The following NXN variants were observed in gnomAD, a reference collection of about 807,000 sequenced individuals.
NXN encodes the protein nucleoredoxin.
NXN carries 16 observed loss-of-function variants against 48.6 expected under a neutral mutation model. That is an observed-to-expected ratio of 0.33 (90% CI 0.22 to 0.50). NXN has a LOEUF of 0.50. Ranked by LOEUF, NXN falls within the 20% of genes least tolerant of loss-of-function variation. The pLI, the probability that NXN is intolerant of heterozygous loss-of-function variation, is 0.98. For synonymous variants in NXN, 281 were observed against 269.6 expected (o/e 1.04, Z -0.41); for missense variants, 492 against 605.5 (o/e 0.81, Z 1.97).
chr17:979,558 T>G lies in NXN; in HGVS notation c.121A>C (p.Ser41Arg). 7.2e-7 allele frequency: 1 copy of G among 1,384,118 alleles called. No individual in the cohort carries two copies. Among genetic ancestry groups the G allele is most frequent in the Non-Finnish European group, 9.4e-7 (1 of 1,063,796 alleles). The allele number at this position is 1,384,118 out of a possible 1,614,324, so 85.7% of individuals were successfully genotyped here. Residue 41 changes from serine (S) to arginine (R), a missense_variant, in exon 1 of 8, where the codon AGC becomes CGC. This residue lies in a region of NXN where 186 missense variants were observed against 199.1 expected (regional missense o/e 0.93). Coordinates refer to ENST00000336868, the MANE Select transcript of NXN (RefSeq NM_022463.5). Reference protein sequence around the residue: ...ISLLGLYFGCSLSAPCAQLSA... With the variant: ...ISLLGLYFGCRLSAPCAQLSA... ...AGCTGCGCGCAGGGGGCGCTGAGGC[T>G]GCAGCCGAAGTAGAGACCCAGCAGC...
At chr17:953,471 A>G (rs2069135078) in intron 1 of NXN, among the ~76,000 whole-genome samples, 2 of 152,176 alleles carry the variant, frequency 1.3e-5, no homozygotes, top group Admixed American at 6.5e-5. Context: ...GGCACCTCGG[A>G]TGCCCCACAC....
At chr17:803,592 T>C in intron 7 of NXN, 90 bp downstream of exon 7, 1 of 1,541,212 alleles carries the variant, frequency 6.5e-7, no homozygotes, top group Non-Finnish European at 8.9e-7. Context: ...GACCCTGGGG[T>C]CCTTTCAGGC....
At chr17:969,538 C>T (rs1037213058) in intron 1 of NXN, among the ~76,000 whole-genome samples, 8 of 152,180 alleles carry the variant, frequency 5.3e-5, no homozygotes, top group Non-Finnish European at 7.3e-5. Flanking sequence ...TTCGGGGCTC[C>T]GGCGGTCACA....
chr17:968,916 G>A (rs4025783), intron 1 of NXN, among the ~76,000 whole-genome samples: 4,897 of 151,854 alleles, frequency 0.032, 286 homozygotes, highest in East Asian at 0.26. Flanking sequence ...CAGCCTGGGA[G>A]ACAGAGAGAG....
chr17:840,333 G>A (rs77744886), intron 1 of NXN, among the ~76,000 whole-genome samples: 2,876 of 151,632 alleles, frequency 0.019, 26 homozygotes, highest in Non-Finnish European at 0.032. Flanking sequence ...AGCCTGGTGT[G>A]CAGAGACTTC....
At chr17:886,139 C>A (rs180802652) in intron 1 of NXN, among the ~76,000 whole-genome samples, 2 of 152,200 alleles carry the variant, frequency 1.3e-5, no homozygotes, top group Admixed American at 6.5e-5. Flanking sequence ...AGGAGCCACC[C>A]CATTCTGACC....
intron 1 of NXN, among the ~76,000 whole-genome samples, chr17:844,134 G>A (rs1188774831): frequency 6.6e-6 from 1 of 151,342 alleles, no homozygotes; most frequent in South Asian, 2.1e-4. Context: ...CTGGAAGGTG[G>A]AGACCAGGCC....
intron 1 of NXN, among the ~76,000 whole-genome samples, chr17:913,690 C>G (rs571042841): frequency 6.6e-6 from 1 of 151,832 alleles, no homozygotes; most frequent in East Asian, 1.9e-4. Context: ...ATGCAGAGAC[C>G]GGGACCCTTC....
intron 1 of NXN, among the ~76,000 whole-genome samples, chr17:884,231 T>A (rs1032118143): frequency 6.9e-6 from 1 of 144,152 alleles, no homozygotes; most frequent in African/African-American, 2.6e-5. Context: ...AAAAAATAAA[T>A]AAATAAATAA....
At chr17:853,719 A>AT (rs1190997449) in intron 1 of NXN, among the ~76,000 whole-genome samples, 13,822 of 101,010 alleles carry the variant, frequency 0.14, 1,040 homozygotes, top group Non-Finnish European at 0.19. Flanking sequence ...ATATATATAT[A>AT]TATATTTTTT....
intron 1 of NXN, among the ~76,000 whole-genome samples, chr17:875,052 G>A (rs1168104264): frequency 1.3e-5 from 2 of 149,402 alleles, no homozygotes; most frequent in Non-Finnish European, 3.0e-5. Flanking sequence ...TTTTTTCTGA[G>A]ACAGAGTCTT....
intron 1 of NXN, among the ~76,000 whole-genome samples, chr17:828,592 G>T (rs752385243): frequency 4.6e-5 from 7 of 151,074 alleles, no homozygotes; most frequent in Non-Finnish European, 8.8e-5. Context: ...AGTAGAGATA[G>T]GGTTTCGCCA....
intron 1 of NXN, among the ~76,000 whole-genome samples, chr17:883,210 T>C (rs1192317265): frequency 1.3e-5 from 2 of 151,964 alleles, no homozygotes; most frequent in East Asian, 1.9e-4. Flanking sequence ...ATTCCTTCTC[T>C]CTCCACAACT....
intron 1 of NXN, among the ~76,000 whole-genome samples, chr17:979,108 AG>A (rs370371306): frequency 0.69 from 41,763 of 60,702 alleles, 14,253 homozygotes; most frequent in Non-Finnish European, 0.74. Context: ...ACAGCGCGGA[AG>A]GGGGGGGGGC....
At chr17:845,241 A>G (rs1272587491) in intron 1 of NXN, among the ~76,000 whole-genome samples, 2 of 143,894 alleles carry the variant, frequency 1.4e-5, no homozygotes, top group South Asian at 4.4e-4. Context: ...CCACCCTTCT[A>G]GAATCCTACC....
intron 1 of NXN, among the ~76,000 whole-genome samples, chr17:868,263 C>T (rs953431222): frequency 3.3e-5 from 5 of 152,168 alleles, no homozygotes; most frequent in African/African-American, 4.8e-5. Context: ...AGCCTTCACA[C>T]GTGGGATTCC....
At chr17:835,798 T>A (rs570568119) in intron 1 of NXN, among the ~76,000 whole-genome samples, 2 of 3,166 alleles carry the variant, frequency 6.3e-4, no homozygotes, top group Non-Finnish European at 5.2e-4. Flanking sequence ...TTCGTCAGCC[T>A]CATAGAGGCC....
At chr17:828,807 G>A (rs544249859) in intron 1 of NXN, among the ~76,000 whole-genome samples, 3 of 152,208 alleles carry the variant, frequency 2.0e-5, no homozygotes, top group Admixed American at 1.3e-4. Context: ...ATCCTGCCAC[G>A]GGGATCAGCT....
intron 1 of NXN, among the ~76,000 whole-genome samples, chr17:859,582 C>T (rs934869504): frequency 6.6e-6 from 1 of 152,140 alleles, no homozygotes; most frequent in African/African-American, 2.4e-5. Flanking sequence ...ACGCAAACTA[C>T]TCAAATACAA....
Sources: allele counts gnomAD v4.1 joint callset (sites outside exome capture counted in the v4.1 genomes callset), GRCh38; gene constraint gnomAD v4.1.1; regional missense constraint gnomAD v4.1.1; transcripts MANE v1.5; gene names NCBI Gene and HGNC (gene_info 2026-07-23, HGNC 2026-07-21).